Variants in GEMIN8 observed in about 807,000 individuals in gnomAD.
GEMIN8 encodes gem-associated protein 8.
For synonymous variants in GEMIN8, 80 were observed against 78.5 expected (o/e 1.02, Z -0.10); for missense variants, 185 against 205.9 (o/e 0.90, Z 0.62).
In GEMIN8 at chrX:14,020,176, T is replaced by A. The variant is rs780407241; in HGVS notation, c.374A>T (p.Glu125Val). Residue 125 changes from glutamate to valine, a missense_variant, in exon 4 of 5, where the codon GAG becomes GTG. Transcript: ENST00000680255. ...GTCACATTCTACCTCTGCATCTGAC[T>A]CAGTCTCCATCTCTTCCTCTTTGGA... ...ALSKEEEMET[E>V]SDAEVECDLS... The A allele has an allele frequency of 8.3e-7, 1 of 1,203,975 alleles. No individual in the cohort carries two copies. The highest frequency in any genetic ancestry group is 3.0e-5 in the East Asian group (1 of 33,812).
At chrX:14,016,206 G>A (rs1356005096) in intron 4 of GEMIN8, among the ~76,000 whole-genome samples, 1 of 111,995 alleles carries the variant, frequency 8.9e-6, no homozygotes, top group African/African-American at 3.3e-5. Context: ...ATGCATTCAG[G>A]GAAGGCTGTA....
chrX:14,012,590 G>A (rs1166124288), intron 4 of GEMIN8, among the ~76,000 whole-genome samples: 1 of 111,560 alleles, frequency 9.0e-6, no homozygotes, highest in Non-Finnish European at 1.9e-5. Context: ...ATGGTGGAAG[G>A]GCACTGTCAC....
chrX:14,011,782 T>G (rs1278092466), intron 4 of GEMIN8, among the ~76,000 whole-genome samples: 1 of 111,685 alleles, frequency 9.0e-6, no homozygotes, highest in Non-Finnish European at 1.9e-5. Context: ...ATCTTAGCTA[T>G]CCTAAGTATT....
At chrX:13,998,211 A>G in the GEMIN8 span, among the ~76,000 whole-genome samples, 2 of 109,000 alleles carry the variant, frequency 1.8e-5, no homozygotes, top group Non-Finnish European at 3.8e-5. Context: ...CATAGCTAGG[A>G]CTATAAGTAC....
chrX:14,010,689 G>C (rs765427627), intron 4 of GEMIN8, among the ~76,000 whole-genome samples: 5 of 112,068 alleles, frequency 4.5e-5, no homozygotes, highest in East Asian at 5.6e-4. Context: ...TGTGGCCATT[G>C]CTGTCTTGGA....
At chrX:14,022,695 C>T (rs1924451855) in intron 2 of GEMIN8, among the ~76,000 whole-genome samples, 1 of 111,416 alleles carries the variant, frequency 9.0e-6, no homozygotes, top group African/African-American at 3.3e-5. Flanking sequence ...ATTTAAGTTT[C>T]TGTGAGACAA....
At chrX:13,985,936 T>A in the GEMIN8 span, among the ~76,000 whole-genome samples, 2 of 111,386 alleles carry the variant, frequency 1.8e-5, no homozygotes, top group Non-Finnish European at 3.8e-5. Context: ...TTATGGTTTC[T>A]TTTTCGAAAC....
intron 4 of GEMIN8, among the ~76,000 whole-genome samples, chrX:14,011,839 T>G: frequency 9.1e-6 from 1 of 110,041 alleles, no homozygotes; most frequent in Non-Finnish European, 1.9e-5. Context: ...CTTTTGCATC[T>G]TTTTTTTTCT....
At chrX:14,019,888 T>C (rs1603198585) in intron 4 of GEMIN8, among the ~76,000 whole-genome samples, 190 bp downstream of exon 4, 2 of 111,570 alleles carry the variant, frequency 1.8e-5, no homozygotes, top group South Asian at 3.7e-4. Context: ...AAATGTCTTA[T>C]ACTAAAACAA....
chrX:14,003,975 T>C (rs1300272088), downstream of GEMIN8, among the ~76,000 whole-genome samples: 3 of 112,124 alleles, frequency 2.7e-5, no homozygotes, highest in Non-Finnish European at 5.6e-5. Flanking sequence ...GTTATTACCA[T>C]TGCTTTTCTG....
chrX:13,998,969 G>C, the GEMIN8 span, among the ~76,000 whole-genome samples: 1 of 111,950 alleles, frequency 8.9e-6, no homozygotes, highest in South Asian at 3.7e-4. Context: ...AAGAAAAAAG[G>C]CTTTGTAAAG....
the GEMIN8 span, among the ~76,000 whole-genome samples, chrX:13,987,668 C>T: frequency 1.8e-5 from 2 of 112,159 alleles, no homozygotes. Context: ...TTCTGCCAAC[C>T]TCTAATGTAT....
chrX:14,021,816 A>ATATATATATATATATATATATATATAG (rs1924346008), intron 2 of GEMIN8, among the ~76,000 whole-genome samples: 1 of 39,229 alleles, frequency 2.5e-5, no homozygotes, highest in Non-Finnish European at 4.7e-5. Flanking sequence ...ATGTGTGTGT[A>ATATATATATATATATATATATATATAG]TATATATATA....
At chrX:14,028,351 G>A (rs1924802419) in intron 1 of GEMIN8, among the ~76,000 whole-genome samples, 1 of 112,043 alleles carries the variant, frequency 8.9e-6, no homozygotes, top group African/African-American at 3.2e-5. Flanking sequence ...TGAGGACCTA[G>A]TAACTCAAAA....
chrX:14,017,114 C>T (rs189469349), intron 4 of GEMIN8, among the ~76,000 whole-genome samples: 6 of 109,073 alleles, frequency 5.5e-5, no homozygotes, highest in African/African-American at 2.0e-4. Flanking sequence ...ATAATTACTA[C>T]CCACTAATTA....
rs749982266 is a variant in GEMIN8 at position 14,016,235 on chromosome X, TAAGAA to T, written c.472+3838_472+3842del. 5.3e-5 allele frequency among the ~76,000 whole-genome samples: 6 copies of T among 112,154 alleles called. No homozygotes were observed. The East Asian group carries it at 1.7e-3, about 31-fold the overall frequency. On this transcript the variant is annotated intron_variant, in intron 4 of 4. Coordinates refer to ENST00000680255, the MANE Select transcript of GEMIN8 (RefSeq NM_001042479.2). ...GGCTGTAGGAGCATGACACAGACGC[TAAGAA>T]AAGTAGTTTTGAATCATGCTGTAAC...
the GEMIN8 span, among the ~76,000 whole-genome samples, chrX:13,996,105 C>T: frequency 1.8e-5 from 2 of 111,630 alleles, no homozygotes; most frequent in Non-Finnish European, 3.8e-5. Context: ...AAAATGGGGA[C>T]ATTACGACAT....
At chrX:14,013,098 A>C (rs908070351) in intron 4 of GEMIN8, among the ~76,000 whole-genome samples, 11 of 112,291 alleles carry the variant, frequency 9.8e-5, no homozygotes, top group African/African-American at 3.6e-4. Context: ...GGAGTATCAG[A>C]GTTTGAAGGC....
chrX:14,026,540 T>G (rs962137388), intron 1 of GEMIN8: 3 of 165,895 alleles, frequency 1.8e-5, no homozygotes, highest in African/African-American at 9.4e-5. Flanking sequence ...GATCTATTTT[T>G]AATGCATAAA....
Sources: gnomAD v4.1 joint callset for allele counts (sites outside exome capture counted in the v4.1 genomes callset) on GRCh38, gnomAD v4.1.1 for gene constraint, MANE v1.5 for transcripts, NCBI Gene and HGNC (gene_info 2026-07-23, HGNC 2026-07-21) for gene names.